Variants in SIPA1L1 observed in about 807,000 individuals in gnomAD.
SIPA1L1 encodes the protein signal induced proliferation associated 1 like 1.
A neutral mutation model predicts 162.7 loss-of-function variants in SIPA1L1; 26 were observed. The ratio of observed to expected loss-of-function variants is 0.16; its 90% CI spans 0.12 to 0.22. SIPA1L1 has a LOEUF of 0.22. Among genes scored for constraint, SIPA1L1 ranks in the 10% least tolerant of loss-of-function variants. The probability of loss-of-function intolerance (pLI) is 1.00; values close to 1 mark genes in which losing one functional copy is unlikely to be tolerated. For missense variants in SIPA1L1, 1,874 were observed against 2,241.0 expected (o/e 0.84, Z 3.31); for synonymous variants, 829 against 837.4 (o/e 0.99, Z 0.17).
chr14:71,475,996 A>G (rs775792108), intron 2 of SIPA1L1, among the ~76,000 whole-genome samples: 67 of 152,238 alleles, frequency 4.4e-4, no homozygotes, highest in South Asian at 1.2e-3. Flanking sequence ...TGAGGAAAGC[A>G]TCATTTCTAG....
intron 2 of SIPA1L1, among the ~76,000 whole-genome samples, chr14:71,505,537 A>C (rs1286976372): frequency 6.6e-6 from 1 of 151,928 alleles, no homozygotes; most frequent in Non-Finnish European, 1.5e-5. Flanking sequence ...ATATTGAAAA[A>C]TAAAATGCTC....
chr14:71,716,046 T>C (rs980043583), intron 17 of SIPA1L1, among the ~76,000 whole-genome samples: 7 of 152,210 alleles, frequency 4.6e-5, no homozygotes, highest in Non-Finnish European at 8.8e-5. Flanking sequence ...AATATGCCCT[T>C]ATACTGTTAA....
intron 2 of SIPA1L1, among the ~76,000 whole-genome samples, chr14:71,401,499 C>T (rs2041670815): frequency 6.6e-6 from 1 of 150,844 alleles, no homozygotes; most frequent in African/African-American, 2.4e-5. Context: ...TTATATTAAA[C>T]TTTATCATGT....
intron 10 of SIPA1L1, among the ~76,000 whole-genome samples, chr14:71,666,630 T>G (rs1022424266): frequency 6.6e-6 from 1 of 152,126 alleles, no homozygotes; most frequent in Non-Finnish European, 1.5e-5. Flanking sequence ...GGTAGAAATA[T>G]GTGTTACTCC....
chr14:71,582,770 G>A (rs559436313), intron 4 of SIPA1L1, among the ~76,000 whole-genome samples: 1 of 152,324 alleles, frequency 6.6e-6, no homozygotes, highest in African/African-American at 2.4e-5. Flanking sequence ...TTTATCAACT[G>A]TTTTTCTCAA....
intron 2 of SIPA1L1, among the ~76,000 whole-genome samples, chr14:71,434,328 A>G (rs1361173688): frequency 1.3e-5 from 2 of 152,216 alleles, no homozygotes; most frequent in Non-Finnish European, 2.9e-5. Context: ...GATGTTTCTT[A>G]TTAGCAATAT....
intron 2 of SIPA1L1, among the ~76,000 whole-genome samples, chr14:71,423,434 TC>T (rs34422077): frequency 8.5e-5 from 13 of 152,314 alleles, no homozygotes; most frequent in African/African-American, 3.1e-4. Flanking sequence ...CCTTATGTTT[TC>T]CTGTGAGAGC....
intron 2 of SIPA1L1, among the ~76,000 whole-genome samples, chr14:71,494,523 C>CTTTTTTTTT (rs201797447): frequency 2.4e-5 from 3 of 126,736 alleles, no homozygotes; most frequent in Non-Finnish European, 3.4e-5. Flanking sequence ...CTTTTCTTTT[C>CTTTTTTTTT]TTTTTTTTTT....
At chr14:71,367,778 T>G (rs2038478517) in intron 2 of SIPA1L1, among the ~76,000 whole-genome samples, 1 of 150,700 alleles carries the variant, frequency 6.6e-6, no homozygotes, top group South Asian at 2.1e-4. Flanking sequence ...GACTAGTTTT[T>G]GGGTTTTTAG....
intron 5 of SIPA1L1, among the ~76,000 whole-genome samples, chr14:71,604,086 C>A (rs2037188611): frequency 6.7e-6 from 1 of 149,490 alleles, no homozygotes. Context: ...AACCTCTTGC[C>A]TCCCAGGCTC....
At chr14:71,616,780 A>T (rs1252030549) in intron 5 of SIPA1L1, among the ~76,000 whole-genome samples, 2 of 152,220 alleles carry the variant, frequency 1.3e-5, no homozygotes, top group Non-Finnish European at 2.9e-5. Flanking sequence ...TGTTTGCCAC[A>T]TCTGCCCTGG....
At chr14:71,424,807 C>T (rs2043443643) in intron 2 of SIPA1L1, among the ~76,000 whole-genome samples, 1 of 152,052 alleles carries the variant, frequency 6.6e-6, no homozygotes, top group African/African-American at 2.4e-5. Context: ...GTTCCCTCCT[C>T]TTCAATTATA....
chr14:71,592,369 G>A lies in SIPA1L1; in HGVS notation c.1498+2999G>A, dbSNP rs147457986. On this transcript the variant is annotated intron_variant, in intron 5 of 23. Transcript: ENST00000381232. ...AAATTGTTGTTTATACTTTTATATA[G>A]TATAAAACATATCTAAACAAACAAC... Among the ~76,000 whole-genome samples, 259 of 152,188 alleles carry A rather than the reference G, an allele frequency of 1.7e-3. 1 individual carries two copies. The highest frequency in any genetic ancestry group is 5.6e-3 in the African/African-American group (234 of 41,496).
chr14:71,559,848 T>C (rs1460389624), intron 4 of SIPA1L1, among the ~76,000 whole-genome samples: 1 of 151,776 alleles, frequency 6.6e-6, no homozygotes, highest in Non-Finnish European at 1.5e-5. Context: ...TTTTTTTGTA[T>C]AAAGTTTCAC....
intron 6 of SIPA1L1, among the ~76,000 whole-genome samples, chr14:71,619,579 G>C (rs1474135501): frequency 6.6e-6 from 1 of 151,692 alleles, no homozygotes; most frequent in Non-Finnish European, 1.5e-5. Flanking sequence ...AACAAGTTTG[G>C]GACTATGAGG....
intron 5 of SIPA1L1, among the ~76,000 whole-genome samples, chr14:71,590,047 ATATATATAT>A (rs2035169374): frequency 2.1e-5 from 1 of 47,084 alleles, no homozygotes; most frequent in Non-Finnish European, 4.5e-5. Context: ...AAAAAAAAAT[ATATATATAT>A]ATATATATAT....
rs947382370 is a variant in SIPA1L1, at chr14:71,587,612, C to G, written c.-261C>G. 2 of 461,358 alleles carry G rather than the reference C, an allele frequency of 4.3e-6. No homozygotes were observed. Among genetic ancestry groups the G allele is most frequent in the East Asian group, 3.1e-5 (1 of 31,970 alleles). 28.6% of individuals were successfully genotyped at this position (461,358 alleles called of 1,614,324 possible). On this transcript the variant is annotated 5_prime_UTR_variant, in exon 5 of 24. Coordinates refer to ENST00000381232, the MANE Select transcript of SIPA1L1 (RefSeq NM_001386936.1). ...TGGCAACCACAGAATCTCAGTAGTA[C>G]AAGTTCCATTCAGTTTTTTCTGAAA...
chr14:71,468,287 T>C (rs1225339552), intron 2 of SIPA1L1, among the ~76,000 whole-genome samples: 2 of 152,188 alleles, frequency 1.3e-5, no homozygotes, highest in Non-Finnish European at 2.9e-5. Context: ...CATTCTTGCG[T>C]TGCTATAAAG....
chr14:71,666,714 A>G (rs1036473599), intron 10 of SIPA1L1, among the ~76,000 whole-genome samples: 1 of 152,102 alleles, frequency 6.6e-6, no homozygotes, highest in Non-Finnish European at 1.5e-5. Flanking sequence ...TATAGTACAA[A>G]AAGCACTTGG....
Sources: allele counts gnomAD v4.1 joint callset (sites outside exome capture counted in the v4.1 genomes callset), GRCh38; gene constraint gnomAD v4.1.1; transcripts MANE v1.5; gene names NCBI Gene and HGNC (gene_info 2026-07-23, HGNC 2026-07-21).